CADM2: variants seen among roughly 807,000 people sequenced by gnomAD.
The protein encoded by CADM2 is cell adhesion molecule 2, also known as immunoglobulin superfamily member 4D.
A neutral mutation model predicts 49.8 loss-of-function variants in CADM2; 12 were observed. That is an observed-to-expected ratio of 0.24 (90% CI 0.15 to 0.39). CADM2 has a LOEUF of 0.39. Among genes scored for constraint, CADM2 ranks in the 10% least tolerant of loss-of-function variants. The probability of loss-of-function intolerance (pLI) is 1.00; values close to 1 mark genes in which losing one functional copy is unlikely to be tolerated. For missense variants in CADM2, 378 were observed against 492.3 expected (o/e 0.77, Z 2.20); for synonymous variants, 214 against 175.4 (o/e 1.22, Z -1.74).
rs1220245557 is a variant in CADM2 at position 85,974,879 on chromosome 3, ATATGT to A, written c.970+13236_970+13240del. On this transcript the variant is annotated intron_variant, in intron 8 of 9. Transcript: ENST00000383699. ...CTTTTACATGAAAACAGTACTTTAT[ATATGT>A]TATAAGTGAAATGAAAAGTATAATT... 3.3e-5 allele frequency among the ~76,000 whole-genome samples: 5 copies of A among 151,698 alleles called. No homozygotes were observed. In the East Asian group the frequency reaches 5.9e-4, roughly 18 times the overall value.
chr3:85,498,168 C>A (rs2039978501), intron 1 of CADM2, among the ~76,000 whole-genome samples: 1 of 97,182 alleles, frequency 1.0e-5, no homozygotes, highest in Admixed American at 1.3e-4. Context: ...TGTTTGTTGC[C>A]AAGTTTTTTT....
chr3:86,029,346 T>C (rs1332448640), intron 8 of CADM2, among the ~76,000 whole-genome samples: 1 of 151,978 alleles, frequency 6.6e-6, no homozygotes, highest in Non-Finnish European at 1.5e-5. Flanking sequence ...TTAATAAGAA[T>C]CTGTCTTAGA....
At chr3:85,438,493 A>G (rs1407329827) in intron 1 of CADM2, among the ~76,000 whole-genome samples, 1 of 151,966 alleles carries the variant, frequency 6.6e-6, no homozygotes, top group East Asian at 1.9e-4. Context: ...ATAGATTTTC[A>G]CTCCTGTACA....
intron 1 of CADM2, among the ~76,000 whole-genome samples, chr3:85,392,665 A>G (rs1230682571): frequency 6.6e-6 from 1 of 152,104 alleles, no homozygotes; most frequent in Admixed American, 6.5e-5. Context: ...ATTCTGGTCA[A>G]TACAGTATAA....
intron 1 of CADM2, among the ~76,000 whole-genome samples, chr3:85,700,046 A>C (rs1160152594): frequency 6.6e-6 from 1 of 152,184 alleles, no homozygotes; most frequent in Non-Finnish European, 1.5e-5. Flanking sequence ...GTATGTTTAC[A>C]GTGGCACTAT....
chr3:86,000,953 A>G (rs1730118010), intron 8 of CADM2, among the ~76,000 whole-genome samples: 1 of 152,162 alleles, frequency 6.6e-6, no homozygotes, highest in African/African-American at 2.4e-5. Context: ...GAAATATACC[A>G]GAGGGGATGG....
At position 84,959,628 on chromosome 3, in the gene CADM2, C is replaced by A. The variant is rs550723768; in HGVS notation, c.21C>A (p.Ala7=). 1 of 1,537,124 alleles carries A rather than the reference C, an allele frequency of 6.5e-7. No individual in the cohort carries two copies. Among genetic ancestry groups the A allele is most frequent in the Admixed American group, 2.0e-5 (1 of 51,006 alleles). Residue 7 remains alanine (A), a synonymous_variant, in exon 1 of 10, where the codon GCC becomes GCA. Coordinates refer to ENST00000383699, the MANE Select transcript of CADM2 (RefSeq NM_001167675.2). MIWKRS[A]VLRFYSVCGL... Reference sequence around the variant, plus strand: ...GGACCATGATTTGGAAACGCAGCGCCGTTCTCCGCTTCTACAGTGTCTGCG... The same window carrying A: ...GGACCATGATTTGGAAACGCAGCGCAGTTCTCCGCTTCTACAGTGTCTGCG...
At chr3:84,982,392 C>A (rs2032232625) in intron 1 of CADM2, among the ~76,000 whole-genome samples, 1 of 151,728 alleles carries the variant, frequency 6.6e-6, no homozygotes, top group African/African-American at 2.4e-5. Flanking sequence ...ATGATTTATG[C>A]AGATAGTCTA....
chr3:85,481,615 G>A (rs2039213940), intron 1 of CADM2, among the ~76,000 whole-genome samples: 1 of 151,542 alleles, frequency 6.6e-6, no homozygotes, highest in Non-Finnish European at 1.5e-5. Context: ...AGGGGTTGGG[G>A]GTGAGGAGGT....
intron 1 of CADM2, among the ~76,000 whole-genome samples, chr3:85,052,863 A>G (rs141831250): frequency 6.6e-5 from 10 of 152,196 alleles, no homozygotes; most frequent in Admixed American, 5.9e-4. Flanking sequence ...GACATGAAAA[A>G]TGAATTAGTG....
At chr3:85,202,062 G>C (rs1171312803) in intron 1 of CADM2, among the ~76,000 whole-genome samples, 4 of 127,576 alleles carry the variant, frequency 3.1e-5, no homozygotes, top group African/African-American at 1.2e-4. Flanking sequence ...CCTGGTGACA[G>C]AGCGAGACTC....
At chr3:85,918,471 T>C (rs1189283367) in intron 6 of CADM2, among the ~76,000 whole-genome samples, 1 of 152,220 alleles carries the variant, frequency 6.6e-6, no homozygotes, top group East Asian at 1.9e-4. Context: ...GATTTTCGTA[T>C]GTTGGACCAG....
chr3:85,555,295 A>G (rs112420610), intron 1 of CADM2, among the ~76,000 whole-genome samples: 4 of 152,138 alleles, frequency 2.6e-5, no homozygotes, highest in African/African-American at 7.2e-5. Flanking sequence ...AAAATAATCA[A>G]TGTTGCTTCT....
At chr3:85,859,039 G>A (rs1446004622) in intron 3 of CADM2, among the ~76,000 whole-genome samples, 2 of 151,952 alleles carry the variant, frequency 1.3e-5, no homozygotes, top group African/African-American at 4.8e-5. Flanking sequence ...TTCATTTTGT[G>A]ACATTTTTTA....
At chr3:85,091,788 A>G (rs1365584579) in intron 1 of CADM2, among the ~76,000 whole-genome samples, 1 of 152,170 alleles carries the variant, frequency 6.6e-6, no homozygotes, top group Non-Finnish European at 1.5e-5. Flanking sequence ...TCTGTCTTGT[A>G]GAAAGCATAG....
At chr3:85,482,286 T>A (rs564254751) in intron 1 of CADM2, among the ~76,000 whole-genome samples, 22 of 151,868 alleles carry the variant, frequency 1.4e-4, no homozygotes, top group Non-Finnish European at 2.8e-4. Flanking sequence ...AAGTTTCAAG[T>A]TCTATATTTA....
At chr3:85,751,382 TGTC>T (rs1487971835) in intron 2 of CADM2, among the ~76,000 whole-genome samples, 1 of 152,202 alleles carries the variant, frequency 6.6e-6, no homozygotes, top group Non-Finnish European at 1.5e-5. Context: ...TATTATTAGA[TGTC>T]ATCTTACAAT....
intron 1 of CADM2, among the ~76,000 whole-genome samples, chr3:85,043,654 G>A (rs2035534274): frequency 6.6e-6 from 1 of 152,014 alleles, no homozygotes; most frequent in African/African-American, 2.4e-5. Context: ...ACTCAAGTCT[G>A]GGTGACAGAG....
At chr3:85,535,205 C>A (rs1390525561) in intron 1 of CADM2, among the ~76,000 whole-genome samples, 2 of 151,964 alleles carry the variant, frequency 1.3e-5, no homozygotes, top group Non-Finnish European at 2.9e-5. Flanking sequence ...TGAAATGTCA[C>A]CTGCCATTCA....
Sources: allele counts gnomAD v4.1 joint callset (sites outside exome capture counted in the v4.1 genomes callset), GRCh38; gene constraint gnomAD v4.1.1; transcripts MANE v1.5; gene names NCBI Gene and HGNC (gene_info 2026-07-23, HGNC 2026-07-21).